Variants in LRRC7 observed in about 807,000 individuals in gnomAD.
LRRC7 encodes leucine rich repeat containing 7.
Under a neutral mutation model 175.7 loss-of-function variants are expected in LRRC7, and 23 were observed. The observed-to-expected ratio is 0.13, with a 90% confidence interval of 0.09 to 0.19. The LOEUF (loss-of-function observed/expected upper bound fraction) is 0.19, where lower values mean the gene tolerates loss of function less well. Ranked by LOEUF, LRRC7 falls within the 10% of genes least tolerant of loss-of-function variation. The pLI is 1.00. For missense variants in LRRC7, 1,354 were observed against 1,904.7 expected, an observed-to-expected ratio of 0.71 and a Z score of 5.38; for synonymous variants, 685 against 680.9, an observed-to-expected ratio of 1.01 and a Z score of -0.09.
At chr1:69,997,443 T>A (rs1444839483) in intron 11 of LRRC7, among the ~76,000 whole-genome samples, 1 of 150,524 alleles carries the variant, frequency 6.6e-6, no homozygotes, top group Non-Finnish European at 1.5e-5. Flanking sequence ...CTATGTTGAA[T>A]AGGAGTGGTG....
At chr1:69,751,782 T>A (rs867657484) in intron 2 of LRRC7, among the ~76,000 whole-genome samples, 1 of 152,168 alleles carries the variant, frequency 6.6e-6, no homozygotes, top group Non-Finnish European at 1.5e-5. Flanking sequence ...GCATGGCTGT[T>A]CTTAGAGGAA....
rs567313632 is a variant in LRRC7, at chr1:69,692,047, G to A, written c.100+13569G>A. ...TTGGAGAACACAGTTGGGATTTTTG[G>A]CAACTATGGGGTTTTTCATAATATA... On this transcript the variant is annotated intron_variant, in intron 2 of 26. Coordinates refer to ENST00000651989, the MANE Select transcript of LRRC7 (RefSeq NM_001370785.2). 5.3e-5 allele frequency among the ~76,000 whole-genome samples: 8 copies of A among 152,134 alleles called. No homozygotes were observed. In the South Asian group the frequency reaches 1.2e-3, roughly 24 times the overall value.
chr1:69,964,454 G>A (rs1490895603), intron 8 of LRRC7, among the ~76,000 whole-genome samples: 1 of 152,012 alleles, frequency 6.6e-6, no homozygotes, highest in Non-Finnish European at 1.5e-5. Flanking sequence ...GCCTGTCCAG[G>A]GATGCTACCC....
intron 2 of LRRC7, among the ~76,000 whole-genome samples, chr1:69,711,769 G>T (rs1382252104): frequency 1.3e-5 from 2 of 152,088 alleles, no homozygotes; most frequent in African/African-American, 4.8e-5. Context: ...AACTGAACAA[G>T]GTCTTTGCCC....
intron 22 of LRRC7, among the ~76,000 whole-genome samples, chr1:70,044,984 TA>T (rs1660215691): frequency 6.6e-6 from 1 of 152,062 alleles, no homozygotes; most frequent in Non-Finnish European, 1.5e-5. Context: ...TCCCTCTTAA[TA>T]AAATGAATGA....
At chr1:69,650,418 C>T (rs920826904) in intron 1 of LRRC7, among the ~76,000 whole-genome samples, 4 of 151,434 alleles carry the variant, frequency 2.6e-5, no homozygotes, top group Non-Finnish European at 4.4e-5. Context: ...TGGGTGCCTG[C>T]AGTCCCAGCT....
At chr1:69,798,210 G>A (rs1421276951) in intron 4 of LRRC7, among the ~76,000 whole-genome samples, 2 of 152,196 alleles carry the variant, frequency 1.3e-5, no homozygotes, top group Middle Eastern at 3.4e-3. Context: ...ATGAGCCACC[G>A]CGCCTGGCTG....
At chr1:69,924,948 G>A (rs1298508754) in intron 7 of LRRC7, among the ~76,000 whole-genome samples, 1 of 152,118 alleles carries the variant, frequency 6.6e-6, no homozygotes, top group East Asian at 1.9e-4. Flanking sequence ...GTCATAGATA[G>A]CTCTTATTAT....
chr1:70,129,359 G>A lies in LRRC7; in HGVS notation c.*7472G>A, dbSNP rs1052375806. On this transcript the variant is annotated 3_prime_UTR_variant, in exon 27 of 27. Transcript: ENST00000651989. ...CAAGTGTGAATGCCTTGCTAGACAA[G>A]ATAAATAGCAACCAGAATCTCTTGA... 1.3e-5 allele frequency among the ~76,000 whole-genome samples: 2 copies of A among 152,076 alleles called. No individual in the cohort carries two copies. Among genetic ancestry groups the A allele is most frequent in the Non-Finnish European group, 2.9e-5 (2 of 68,016 alleles).
chr1:69,887,192 G>T (rs1393252601), intron 7 of LRRC7, among the ~76,000 whole-genome samples: 1 of 122,272 alleles, frequency 8.2e-6, no homozygotes, highest in Admixed American at 8.3e-5. Context: ...AAGTTCTCCT[G>T]GATAATATCC....
chr1:69,891,035 A>T (rs1451431448), intron 7 of LRRC7, among the ~76,000 whole-genome samples: 1 of 152,228 alleles, frequency 6.6e-6, no homozygotes, highest in Non-Finnish European at 1.5e-5. Context: ...TCACTTTCTT[A>T]TCATTCATGT....
At chr1:69,978,177 G>A (rs1448050268) in intron 8 of LRRC7, among the ~76,000 whole-genome samples, 1 of 152,126 alleles carries the variant, frequency 6.6e-6, no homozygotes, top group Non-Finnish European at 1.5e-5. Context: ...CTGTGCCTCG[G>A]GAGGCCGAGG....
At chr1:69,915,521 T>C (rs956739165) in intron 7 of LRRC7, among the ~76,000 whole-genome samples, 2 of 152,134 alleles carry the variant, frequency 1.3e-5, no homozygotes, top group African/African-American at 2.4e-5. Flanking sequence ...AAAAAGTTCC[T>C]TGGTTACATA....
intron 2 of LRRC7, among the ~76,000 whole-genome samples, chr1:69,757,997 C>T (rs1670622107): frequency 6.6e-6 from 1 of 152,016 alleles, no homozygotes; most frequent in South Asian, 2.1e-4. Flanking sequence ...CAATCCATCA[C>T]TTCTTTTCAT....
intron 2 of LRRC7, among the ~76,000 whole-genome samples, chr1:69,709,622 GAA>G (rs1432822944): frequency 6.6e-6 from 1 of 152,108 alleles, no homozygotes; most frequent in East Asian, 1.9e-4. Flanking sequence ...TTACATCTAT[GAA>G]AAGAGAATAA....
In LRRC7 at chr1:69,708,682, C is replaced by G. The variant is rs550543196; in HGVS notation, c.100+30204C>G. On this transcript the variant is annotated intron_variant, in intron 2 of 26. Transcript: ENST00000651989. ...CTTCACTCAGTGGTTGTGCTGATCT[C>G]ATATGGGCATGTTCATGTCTGGAGG... is the stretch of plus-strand genomic sequence containing the variant. Among the ~76,000 whole-genome samples, 6 of 152,274 alleles carry G rather than the reference C, an allele frequency of 3.9e-5. No individual in the cohort carries two copies. In the South Asian group the frequency reaches 6.2e-4, roughly 16 times the overall value.
chr1:69,934,202 TAGG>T (rs1377726163), intron 8 of LRRC7, among the ~76,000 whole-genome samples: 1 of 152,098 alleles, frequency 6.6e-6, no homozygotes, highest in Middle Eastern at 3.2e-3. Context: ...ATTGACACCG[TAGG>T]AGATTATCAT....
intron 8 of LRRC7, among the ~76,000 whole-genome samples, chr1:69,944,275 G>A (rs939709730): frequency 6.6e-6 from 1 of 151,956 alleles, no homozygotes; most frequent in Non-Finnish European, 1.5e-5. Flanking sequence ...TATCTCCAAG[G>A]TTCATCCATG....
At chr1:69,591,701 T>C (rs927768425) in intron 1 of LRRC7, among the ~76,000 whole-genome samples, 14 of 152,096 alleles carry the variant, frequency 9.2e-5, no homozygotes, top group Non-Finnish European at 1.6e-4. Context: ...TGATTCAGGA[T>C]TGATGATCAG....
Sources: allele counts gnomAD v4.1 joint callset (sites outside exome capture counted in the v4.1 genomes callset), GRCh38; gene constraint gnomAD v4.1.1; transcripts MANE v1.5; gene names NCBI Gene and HGNC (gene_info 2026-07-23, HGNC 2026-07-21).